The following SERPINB7 variants were observed in gnomAD, a reference collection of about 807,000 sequenced individuals.
SERPINB7 encodes the protein serpin family B member 7.
In SERPINB7, 31 loss-of-function variants were observed where a neutral mutation model predicts 37.4. The ratio of observed to expected loss-of-function variants is 0.83; its 90% CI spans 0.62 to 1.12. The LOEUF is 1.12. Ranked by LOEUF, SERPINB7 falls within the 50% of genes most tolerant of loss-of-function variation. The pLI, the probability that SERPINB7 is intolerant of heterozygous loss-of-function variation, is 0.00. For synonymous variants in SERPINB7, 163 were observed against 166.1 expected, an observed-to-expected ratio of 0.98 and a Z score of 0.14; for missense variants, 521 against 455.3, an observed-to-expected ratio of 1.14 and a Z score of -1.31.
intron 2 of SERPINB7, among the ~76,000 whole-genome samples, chr18:63,791,110 G>A (rs1463877653): frequency 2.6e-5 from 4 of 152,048 alleles, no homozygotes; most frequent in Non-Finnish European, 5.9e-5. Flanking sequence ...GACACAGGGA[G>A]GGGTACATCA....
chr18:63,778,709 T>C (rs2049273900), intron 1 of SERPINB7, among the ~76,000 whole-genome samples: 1 of 152,144 alleles, frequency 6.6e-6, no homozygotes, highest in Non-Finnish European at 1.5e-5. Context: ...AAAATATCTA[T>C]TTTTATTGTT....
At chr18:63,787,834 T>C (rs2049388114) in intron 2 of SERPINB7, among the ~76,000 whole-genome samples, 1 of 152,198 alleles carries the variant, frequency 6.6e-6, no homozygotes, top group African/African-American at 2.4e-5. Context: ...CATAATGACA[T>C]TTTGGTCTAT....
chr18:63,771,554 T>TTG (rs755106859), upstream of SERPINB7, among the ~76,000 whole-genome samples: 6 of 152,110 alleles, frequency 3.9e-5, no homozygotes, highest in Non-Finnish European at 8.8e-5. Context: ...ACAGAACATA[T>TTG]TGTTTTTTTC....
intron 2 of SERPINB7, among the ~76,000 whole-genome samples, chr18:63,787,073 A>G (rs2049380996): frequency 6.6e-6 from 1 of 152,214 alleles, no homozygotes; most frequent in Non-Finnish European, 1.5e-5. Context: ...CTATACATAT[A>G]GCATGAAGGT....
intron 6 of SERPINB7, among the ~76,000 whole-genome samples, chr18:63,799,632 A>T (rs534024766): frequency 2.0e-5 from 3 of 152,248 alleles, no homozygotes; most frequent in African/African-American, 7.2e-5. Flanking sequence ...CAGATGTGTG[A>T]TTCTTTCCCT....
At chr18:63,770,815 T>C (rs1218477831), upstream of SERPINB7, among the ~76,000 whole-genome samples, 1 of 152,006 alleles carries the variant, frequency 6.6e-6, no homozygotes, top group Non-Finnish European at 1.5e-5. Flanking sequence ...TTTAACATAA[T>C]GATTATGTTG....
At chr18:63,770,140 G>A (rs906517952) in intron 1 of SERPINB7, among the ~76,000 whole-genome samples, 7 of 150,314 alleles carry the variant, frequency 4.7e-5, no homozygotes, top group African/African-American at 1.7e-4. Context: ...AGGATAGAGG[G>A]TGTTGCTTCT....
intron 1 of SERPINB7, among the ~76,000 whole-genome samples, chr18:63,758,115 T>C (rs534557683): frequency 6.6e-5 from 10 of 152,354 alleles, no homozygotes; most frequent in African/African-American, 9.6e-5. Context: ...CTAAAGTACA[T>C]GCATGCATGC....
chr18:63,795,304 T>TA (rs533396917), intron 4 of SERPINB7, among the ~76,000 whole-genome samples: 205 of 152,274 alleles, frequency 1.3e-3, no homozygotes, highest in African/African-American at 4.8e-3. Context: ...CTCATGCCTG[T>TA]AATCCCAGCA....
intron 1 of SERPINB7, among the ~76,000 whole-genome samples, chr18:63,770,036 G>A (rs977326023): frequency 1.3e-5 from 2 of 148,914 alleles, no homozygotes; most frequent in African/African-American, 5.0e-5. Context: ...ATGGAGGCAG[G>A]ACATTGCCGC....
intron 5 of SERPINB7, among the ~76,000 whole-genome samples, chr18:63,797,822 A>G (rs1339468211): frequency 6.6e-6 from 1 of 152,212 alleles, no homozygotes; most frequent in Non-Finnish European, 1.5e-5. Flanking sequence ...CTTCATTATC[A>G]GGCCCTTGCT....
upstream of SERPINB7, among the ~76,000 whole-genome samples, chr18:63,773,821 G>A (rs1412106199): frequency 6.6e-6 from 1 of 152,146 alleles, no homozygotes; most frequent in African/African-American, 2.4e-5. Flanking sequence ...TGCAAACACA[G>A]TAGTGGGAGG....
chr18:63,755,348 T>C (rs1485365015), intron 1 of SERPINB7, among the ~76,000 whole-genome samples: 2 of 152,206 alleles, frequency 1.3e-5, no homozygotes, highest in Non-Finnish European at 2.9e-5. Flanking sequence ...TTTCAGTTTT[T>C]CTTTATGAGA....
intron 6 of SERPINB7, among the ~76,000 whole-genome samples, chr18:63,799,086 C>A (rs953142674): frequency 6.6e-6 from 1 of 151,968 alleles, no homozygotes; most frequent in African/African-American, 2.4e-5. Context: ...ATTTTTTTAA[C>A]CATGAGGTCT....
intron 1 of SERPINB7, among the ~76,000 whole-genome samples, chr18:63,780,598 A>G (rs1225452793): frequency 6.6e-6 from 1 of 151,938 alleles, no homozygotes; most frequent in East Asian, 1.9e-4. Context: ...ACAACTTTTT[A>G]CCCGGGATTG....
chr18:63,774,980 T>C (rs2049234526), upstream of SERPINB7, among the ~76,000 whole-genome samples: 1 of 152,156 alleles, frequency 6.6e-6, no homozygotes, highest in Non-Finnish European at 1.5e-5. Context: ...TTTAGGTCAT[T>C]ATGCTAGGGA....
At chr18:63,753,818 CT>C (rs754356288) in intron 1 of SERPINB7, among the ~76,000 whole-genome samples, 1 of 152,174 alleles carries the variant, frequency 6.6e-6, no homozygotes, top group Admixed American at 6.5e-5. Context: ...CTTTTGAGTA[CT>C]TGATAGAATG....
At chr18:63,761,941 G>A (rs1238891813) in intron 1 of SERPINB7, among the ~76,000 whole-genome samples, 1 of 152,148 alleles carries the variant, frequency 6.6e-6, no homozygotes, top group African/African-American at 2.4e-5. Context: ...TGTCTTCTAG[G>A]TCTGACCTGA....
intron 1 of SERPINB7, among the ~76,000 whole-genome samples, chr18:63,768,398 G>A (rs893462665): frequency 1.3e-5 from 2 of 151,752 alleles, no homozygotes; most frequent in African/African-American, 4.8e-5. Context: ...CACTATACAT[G>A]TATAATGATA....
Sources: gnomAD v4.1 joint callset for allele counts (sites outside exome capture counted in the v4.1 genomes callset) on GRCh38, gnomAD v4.1.1 for gene constraint, MANE v1.5 for transcripts, NCBI Gene and HGNC (gene_info 2026-07-23, HGNC 2026-07-21) for gene names.